The following YEATS2 variants were observed in gnomAD, a reference collection of about 807,000 sequenced individuals.
YEATS2 encodes the protein YEATS domain-containing protein 2.
A neutral mutation model predicts 163.2 loss-of-function variants in YEATS2; 77 were observed. The observed-to-expected ratio is 0.47, with a 90% CI of 0.39 to 0.57. The LOEUF (loss-of-function observed/expected upper bound fraction) is 0.57, where lower values mean the gene tolerates loss of function less well. Ranked by LOEUF, YEATS2 falls within the 20% of genes least tolerant of loss-of-function variation. The probability of loss-of-function intolerance (pLI) is 0.00; values close to 1 mark genes in which losing one functional copy is unlikely to be tolerated. For synonymous variants in YEATS2, 631 were observed against 645.1 expected, an observed-to-expected ratio of 0.98 and a Z score of 0.33; for missense variants, 1,549 against 1,729.8, an observed-to-expected ratio of 0.90 and a Z score of 1.85.
At chr3:183,775,849 T>G in intron 17 of YEATS2, 66 bp from the exon 18 acceptor site, 1 of 1,605,692 alleles carries the variant, frequency 6.2e-7, no homozygotes, top group Non-Finnish European at 8.5e-7. Context: ...TGGGCTCATT[T>G]GTTTTTTATG....
intron 1 of YEATS2, among the ~76,000 whole-genome samples, chr3:183,699,405 T>C (rs1350541941): frequency 6.6e-6 from 1 of 151,696 alleles, no homozygotes; most frequent in Admixed American, 6.6e-5. Flanking sequence ...GGAGAGAGGC[T>C]AGAGCTAGAG....
intron 1 of YEATS2, among the ~76,000 whole-genome samples, chr3:183,705,295 C>G (rs1714508668): frequency 6.6e-6 from 1 of 152,172 alleles, no homozygotes; most frequent in Admixed American, 6.5e-5. Context: ...AGCGAGTCAC[C>G]TGCCTCAACT....
intron 2 of YEATS2, among the ~76,000 whole-genome samples, chr3:183,716,812 C>T (rs563197742): frequency 2.6e-5 from 4 of 152,116 alleles, no homozygotes; most frequent in Non-Finnish European, 4.4e-5. Flanking sequence ...TGTCCATGCT[C>T]TACCTAATGC....
At position 183,812,375 on chromosome 3, in the gene YEATS2, G is replaced by T. The variant is rs1560349814; in HGVS notation, c.*1792G>T. Reference sequence around the variant, plus strand: ...CTATACCTGAACTGCTATAAGCAAGGTCGATAGGGAAGTGGATAGATTGCT... The same window carrying T: ...CTATACCTGAACTGCTATAAGCAAGTTCGATAGGGAAGTGGATAGATTGCT... On this transcript the variant is annotated 3_prime_UTR_variant, in exon 31 of 31. Coordinates refer to ENST00000305135, the MANE Select transcript of YEATS2 (RefSeq NM_018023.5). 6.6e-6 allele frequency: 1 copy of T among 152,404 alleles called. No individual in the cohort carries two copies. Among genetic ancestry groups the T allele is most frequent in the South Asian group, 2.1e-4 (1 of 4,836 alleles). The allele number at this position is 152,404 out of a possible 1,614,324, so 9.4% of individuals were successfully genotyped here.
chr3:183,806,662 A>G, intron 27 of YEATS2: 1 of 589,622 alleles, frequency 1.7e-6, no homozygotes, highest in East Asian at 2.9e-5. Context: ...TACATAGATC[A>G]CACACAAGAT....
intron 8 of YEATS2, among the ~76,000 whole-genome samples, chr3:183,741,421 C>A (rs1193601490): frequency 6.6e-6 from 1 of 152,232 alleles, no homozygotes. Context: ...TTGAGACCAA[C>A]TGCTCAGAGA....
chr3:183,809,343 C>A, intron 30 of YEATS2, 173 bp downstream of exon 30: 1 of 618,156 alleles, frequency 1.6e-6, no homozygotes. Flanking sequence ...TTTAGAGAAC[C>A]TCATGGTTGT....
At chr3:183,782,190 A>G (rs1036866969) in intron 19 of YEATS2, among the ~76,000 whole-genome samples, 2 of 151,794 alleles carry the variant, frequency 1.3e-5, no homozygotes, top group African/African-American at 4.9e-5. Context: ...GCTCACTGCA[A>G]CCTCTGCCTC....
chr3:183,806,821 C>T, intron 27 of YEATS2, 45 bp from the exon 28 acceptor site: 3 of 1,604,164 alleles, frequency 1.9e-6, no homozygotes, highest in Non-Finnish European at 2.6e-6. Context: ...AAGTCCTCTT[C>T]CGTTGGCCCC....
chr3:183,709,412 A>G (rs1714951752), intron 1 of YEATS2, among the ~76,000 whole-genome samples: 1 of 151,192 alleles, frequency 6.6e-6, no homozygotes, highest in African/African-American at 2.4e-5. Flanking sequence ...GCTCACTGCA[A>G]CCTCTGCCTC....
intron 8 of YEATS2, among the ~76,000 whole-genome samples, chr3:183,745,486 C>T (rs771356071): frequency 2.6e-5 from 4 of 152,074 alleles, no homozygotes; most frequent in Non-Finnish European, 5.9e-5. Context: ...AATGCTCTTC[C>T]CCTCCTCAGA....
intron 2 of YEATS2, among the ~76,000 whole-genome samples, chr3:183,716,234 C>G (rs1487993288): frequency 6.6e-6 from 1 of 152,138 alleles, no homozygotes; most frequent in Non-Finnish European, 1.5e-5. Context: ...GCTGGGATTA[C>G]AGACGTGAGC....
chr3:183,756,980 C>T (rs1194554688), intron 12 of YEATS2, among the ~76,000 whole-genome samples: 5 of 152,136 alleles, frequency 3.3e-5, no homozygotes, highest in African/African-American at 7.2e-5. Context: ...GGAAGACTTA[C>T]GCTTTGGGGG....
chr3:183,777,436 G>A (rs76808889), intron 18 of YEATS2, 106 bp from the exon 19 acceptor site: 236 of 1,217,590 alleles, frequency 1.9e-4, no homozygotes, highest in East Asian at 5.1e-4. Flanking sequence ...AGGGGAGAGC[G>A]TTGTAGCTTG....
chr3:183,712,695 T>A (rs1167082769), intron 1 of YEATS2, among the ~76,000 whole-genome samples: 1 of 152,028 alleles, frequency 6.6e-6, no homozygotes, highest in Admixed American at 6.6e-5. Flanking sequence ...AGATCCAGGC[T>A]GCGAAGAAAG....
At chr3:183,699,983 T>A (rs1713888853) in intron 1 of YEATS2, among the ~76,000 whole-genome samples, 1 of 152,216 alleles carries the variant, frequency 6.6e-6, no homozygotes, top group East Asian at 1.9e-4. Flanking sequence ...CATTTCCATC[T>A]GCCCCAAAAC....
chr3:183,718,374 C>T, intron 3 of YEATS2, 126 bp from the exon 4 acceptor site: 1 of 678,836 alleles, frequency 1.5e-6, no homozygotes, highest in Non-Finnish European at 2.3e-6. Context: ...ATTTGTTTTT[C>T]TTTTGATTGT....
chr3:183,773,890 C>A, intron 17 of YEATS2, 96 bp downstream of exon 17: 1 of 1,383,866 alleles, frequency 7.2e-7, no homozygotes, highest in Non-Finnish European at 9.6e-7. Flanking sequence ...TTTCAGGAAG[C>A]ATTTCTGTAA....
intron 20 of YEATS2, 97 bp downstream of exon 20, chr3:183,786,398 A>C: frequency 8.0e-7 from 1 of 1,247,828 alleles, no homozygotes; most frequent in Non-Finnish European, 1.1e-6. Flanking sequence ...GACCTTTTAA[A>C]AATACTCAAC....
Sources: allele counts gnomAD v4.1 joint callset (sites outside exome capture counted in the v4.1 genomes callset), GRCh38; gene constraint gnomAD v4.1.1; transcripts MANE v1.5; gene names NCBI Gene and HGNC (gene_info 2026-07-23, HGNC 2026-07-21).